The following TSPAN9 variants were observed in gnomAD, a reference collection of about 807,000 sequenced individuals.
The protein encoded by TSPAN9 is tetraspanin 9, also known as tetraspanin-9.
TSPAN9 carries 16 observed loss-of-function variants against 31.0 expected under a neutral mutation model. The ratio of observed to expected loss-of-function variants is 0.52; its 90% CI spans 0.35 to 0.78. TSPAN9 has a LOEUF of 0.78. Among genes scored for constraint, TSPAN9 ranks in the 30% least tolerant of loss-of-function variants. The pLI, the probability that TSPAN9 is intolerant of heterozygous loss-of-function variation, is 0.01. For synonymous variants in TSPAN9, 145 were observed against 121.6 expected, an observed-to-expected ratio of 1.19 and a Z score of -1.27; for missense variants, 272 against 312.5, an observed-to-expected ratio of 0.87 and a Z score of 0.98.
intron 3 of TSPAN9, among the ~76,000 whole-genome samples, chr12:3,262,217 C>T (rs1271718037): frequency 1.3e-5 from 2 of 152,202 alleles, no homozygotes; most frequent in African/African-American, 4.8e-5. Flanking sequence ...GAGGCAGCAC[C>T]CTAAATCCCT....
chr12:3,253,922 G>C (rs911354499), intron 3 of TSPAN9, among the ~76,000 whole-genome samples: 4 of 152,196 alleles, frequency 2.6e-5, no homozygotes, highest in African/African-American at 4.8e-5. Flanking sequence ...GCAGACTCTC[G>C]TGCAACAGGA....
At chr12:3,079,451 C>T (rs897988838) in intron 1 of TSPAN9, among the ~76,000 whole-genome samples, 1 of 152,032 alleles carries the variant, frequency 6.6e-6, no homozygotes, top group Admixed American at 6.6e-5. Context: ...CTCTGCCCTT[C>T]TTCTATTTTA....
chr12:3,260,688 A>G (rs1445049734), intron 3 of TSPAN9, among the ~76,000 whole-genome samples: 1 of 152,214 alleles, frequency 6.6e-6, no homozygotes, highest in Non-Finnish European at 1.5e-5. Flanking sequence ...AAATGTGTTC[A>G]GTGAGGGAAG....
Position 3,284,246 on chromosome 12 carries a change from C to T in TSPAN9, c.*1130C>T, listed in dbSNP as rs1862965776. ...ATACCTCTCTAGTTCGGATGCTGCT[C>T]ACTTTCCCCCTTGCTTCTGGAAGGG... On this transcript the variant is annotated 3_prime_UTR_variant, in exon 9 of 9. Transcript: ENST00000011898. The T allele has an allele frequency of 6.5e-6, 1 of 152,680 alleles. No homozygotes were observed. Among genetic ancestry groups the T allele is most frequent in the East Asian group, 1.9e-4 (1 of 5,180 alleles). The allele number at this position is 152,680 out of a possible 1,614,324, so 9.5% of individuals were successfully genotyped here. A position where few individuals can be genotyped will look rare whatever the true frequency, so the allele number is the denominator to read the frequency against.
intron 2 of TSPAN9, among the ~76,000 whole-genome samples, chr12:3,129,214 G>A (rs1192433043): frequency 1.3e-5 from 2 of 152,080 alleles, no homozygotes; most frequent in Admixed American, 6.5e-5. Context: ...GTGCAGCATC[G>A]TATTTTAAAA....
At chr12:3,091,604 T>C (rs12372690) in intron 2 of TSPAN9, among the ~76,000 whole-genome samples, 38,305 of 152,144 alleles carry the variant, frequency 0.25, 5,179 homozygotes, top group Middle Eastern at 0.35. Context: ...ATGCACTTTC[T>C]CGTGCAGCAG....
At chr12:3,095,652 G>A (rs1187627960) in intron 2 of TSPAN9, among the ~76,000 whole-genome samples, 2 of 140,438 alleles carry the variant, frequency 1.4e-5, no homozygotes, top group South Asian at 4.7e-4. Context: ...CCTCCCTCCC[G>A]GACGGGGCGG....
chr12:3,139,245 T>C (rs74054907), intron 2 of TSPAN9, among the ~76,000 whole-genome samples: 2,647 of 152,338 alleles, frequency 0.017, 67 homozygotes, highest in African/African-American at 0.061. Flanking sequence ...AGAGAAATCC[T>C]TGGCAGGGTT....
intron 3 of TSPAN9, among the ~76,000 whole-genome samples, chr12:3,266,438 G>A (rs181163285): frequency 6.6e-6 from 1 of 152,356 alleles, no homozygotes; most frequent in East Asian, 1.9e-4. Flanking sequence ...AACATGAGGA[G>A]GAAGGGCAGG....
At chr12:3,266,997 T>TCA (rs1335597000) in intron 3 of TSPAN9, among the ~76,000 whole-genome samples, 1 of 152,156 alleles carries the variant, frequency 6.6e-6, no homozygotes, top group Non-Finnish European at 1.5e-5. Flanking sequence ...CCATGGAAGA[T>TCA]CACCCTCATT....
At chr12:3,152,707 CT>C (rs1170609239) in intron 2 of TSPAN9, among the ~76,000 whole-genome samples, 2 of 152,210 alleles carry the variant, frequency 1.3e-5, no homozygotes, top group African/African-American at 4.8e-5. Flanking sequence ...CTGCCCCCGC[CT>C]CTCAAGTAGC....
chr12:3,157,169 A>G (rs1460229924), intron 2 of TSPAN9, among the ~76,000 whole-genome samples: 7 of 147,112 alleles, frequency 4.8e-5, no homozygotes, highest in African/African-American at 1.5e-4. Context: ...GCGCGATCTC[A>G]GCTCACTGCA....
chr12:3,100,891 T>A (rs944682761), intron 2 of TSPAN9, among the ~76,000 whole-genome samples: 4 of 152,224 alleles, frequency 2.6e-5, no homozygotes, highest in African/African-American at 9.6e-5. Context: ...AGGTGGCCAA[T>A]GTTTGTTGAT....
chr12:3,138,733 A>T (rs1012304997), intron 2 of TSPAN9, among the ~76,000 whole-genome samples: 22 of 151,872 alleles, frequency 1.4e-4, no homozygotes, highest in African/African-American at 3.4e-4. Flanking sequence ...GGCTCAAGTG[A>T]TTCGCCCACC....
At chr12:3,113,548 A>G (rs4766046) in intron 2 of TSPAN9, among the ~76,000 whole-genome samples, 12 of 152,044 alleles carry the variant, frequency 7.9e-5, no homozygotes, top group African/African-American at 2.9e-4. Context: ...TTAAGTGATC[A>G]ATAGATACTT....
chr12:3,091,135 G>A (rs11062498), intron 2 of TSPAN9, among the ~76,000 whole-genome samples: 98 of 152,224 alleles, frequency 6.4e-4, no homozygotes, highest in Non-Finnish European at 1.2e-3. Flanking sequence ...GTCAGTGAGC[G>A]ACAGGTCTTT....
intron 2 of TSPAN9, among the ~76,000 whole-genome samples, chr12:3,127,751 C>A (rs976708502): frequency 2.0e-5 from 3 of 152,100 alleles, no homozygotes; most frequent in African/African-American, 7.2e-5. Context: ...GTTTATTATT[C>A]TTAAGTATTA....
chr12:3,190,460 G>T (rs1489180967), intron 2 of TSPAN9, among the ~76,000 whole-genome samples: 1 of 152,264 alleles, frequency 6.6e-6, no homozygotes, highest in African/African-American at 2.4e-5. Context: ...GGCTCAGTGT[G>T]TGCATATGTG....
At chr12:3,277,936 G>A (rs1457271388) in intron 3 of TSPAN9, among the ~76,000 whole-genome samples, 3 of 152,226 alleles carry the variant, frequency 2.0e-5, no homozygotes, top group South Asian at 2.1e-4. Flanking sequence ...ACAGTCGCTG[G>A]AAGTTCTGGC....
Sources: gnomAD v4.1 joint callset for allele counts (sites outside exome capture counted in the v4.1 genomes callset) on GRCh38, gnomAD v4.1.1 for gene constraint, MANE v1.5 for transcripts, NCBI Gene and HGNC (gene_info 2026-07-23, HGNC 2026-07-21) for gene names.